Variants in TTC39C observed in about 807,000 individuals in gnomAD.
TTC39C encodes the protein tetratricopeptide repeat domain 39C, also known as tetratricopeptide repeat protein 39C.
Under a neutral mutation model 76.3 loss-of-function variants are expected in TTC39C, and 33 were observed. That is an observed-to-expected ratio of 0.43 (90% confidence interval 0.33 to 0.58). TTC39C has a LOEUF of 0.58. Among genes scored for constraint, TTC39C ranks in the 20% least tolerant of loss-of-function variants. TTC39C has a pLI of 0.04. For synonymous variants in TTC39C, 254 were observed against 260.6 expected (o/e 0.97, Z 0.24); for missense variants, 595 against 701.4 (o/e 0.85, Z 1.71).
intron 6 of TTC39C, among the ~76,000 whole-genome samples, chr18:24,089,400 C>T (rs1003256872): frequency 1.3e-5 from 2 of 152,192 alleles, no homozygotes; most frequent in Admixed American, 6.5e-5. Flanking sequence ...TCTCTTCCTG[C>T]ATCCTACGTG....
chr18:24,105,536 A>G (rs768552626), intron 6 of TTC39C, among the ~76,000 whole-genome samples: 1 of 152,216 alleles, frequency 6.6e-6, no homozygotes, highest in Non-Finnish European at 1.5e-5. Flanking sequence ...GCACACACAC[A>G]CTTGCAGGCA....
chr18:24,121,753 C>G (rs567499597), intron 8 of TTC39C, among the ~76,000 whole-genome samples: 1 of 152,278 alleles, frequency 6.6e-6, no homozygotes, highest in African/African-American at 2.4e-5. Context: ...AGGAAGACCT[C>G]AAGCTAGGGA....
At chr18:24,006,196 A>G (rs2083350903) in intron 1 of TTC39C, among the ~76,000 whole-genome samples, 2 of 151,966 alleles carry the variant, frequency 1.3e-5, no homozygotes. Context: ...TATTTTTTAT[A>G]GAGTTGGGGT....
chr18:24,103,875 A>ATAC (rs2084710187), intron 6 of TTC39C, among the ~76,000 whole-genome samples: 1 of 152,052 alleles, frequency 6.6e-6, no homozygotes, highest in Non-Finnish European at 1.5e-5. Context: ...GTCTCTGTAC[A>ATAC]AAACCCATAA....
At chr18:24,020,328 A>C in intron 1 of TTC39C, 1 of 989,420 alleles carries the variant, frequency 1.0e-6, no homozygotes, top group Non-Finnish European at 1.2e-6. Flanking sequence ...CTGCCTGTAG[A>C]ATAATAGGAG....
chr18:24,064,213 T>G (rs1015285517), intron 2 of TTC39C, 25 bp downstream of exon 2: 2 of 1,612,522 alleles, frequency 1.2e-6, no homozygotes, highest in Non-Finnish European at 1.7e-6. Context: ...TAAGACCTAT[T>G]GGCATGAAGG....
At chr18:24,016,213 C>G (rs989484130) in intron 1 of TTC39C, among the ~76,000 whole-genome samples, 1 of 152,146 alleles carries the variant, frequency 6.6e-6, no homozygotes, top group African/African-American at 2.4e-5. Context: ...ATTTTTTCCC[C>G]CCTTTGGTCT....
intron 8 of TTC39C, among the ~76,000 whole-genome samples, chr18:24,123,036 T>C (rs532417556): frequency 2.6e-4 from 39 of 152,342 alleles, no homozygotes; most frequent in Non-Finnish European, 5.1e-4. Context: ...TTCTTCACAT[T>C]GTTGCTGGTG....
At chr18:24,082,827 T>C (rs2084393239) in intron 5 of TTC39C, 86 bp from the exon 6 acceptor site, 1 of 1,373,364 alleles carries the variant, frequency 7.3e-7, no homozygotes, top group African/African-American at 1.4e-5. Context: ...AGAGTAGTAT[T>C]GGAAGAACAC....
At chr18:24,090,221 G>A (rs2084499774) in intron 6 of TTC39C, among the ~76,000 whole-genome samples, 1 of 152,094 alleles carries the variant, frequency 6.6e-6, no homozygotes, top group Admixed American at 6.5e-5. Context: ...AAATATTTCA[G>A]TATATATATT....
At chr18:24,118,095 G>A (rs1343367617) in intron 7 of TTC39C, 30 bp from the exon 8 acceptor site, 2 of 1,580,786 alleles carry the variant, frequency 1.3e-6, no homozygotes, top group Non-Finnish European at 1.7e-6. Context: ...AGTACTTTAG[G>A]GTCATGTGCT....
At chr18:24,115,095 C>T (rs914319119) in intron 7 of TTC39C, 4 of 158,714 alleles carry the variant, frequency 2.5e-5, no homozygotes, top group African/African-American at 9.6e-5. Flanking sequence ...GTTAAGGTGC[C>T]TCCCCTTGTA....
chr18:24,103,160 A>G (rs998789573), intron 6 of TTC39C, among the ~76,000 whole-genome samples: 6 of 152,212 alleles, frequency 3.9e-5, no homozygotes, highest in East Asian at 1.9e-4. Flanking sequence ...TCAGAATGTT[A>G]ATTTCCAACT....
At position 24,117,607 on chromosome 18, in the gene TTC39C, C is replaced by T. The variant is rs187441349; in HGVS notation, c.1079-518C>T. 8.4e-4 allele frequency among the ~76,000 whole-genome samples: 127 copies of T among 151,100 alleles called. 1 individual carries two copies. Among genetic ancestry groups the T allele is most frequent in the African/African-American group, 2.7e-3 (111 of 41,108 alleles). Reference sequence around the variant, plus strand: ...ATCCCAGCTACTTGGGAGGCTGAGGCGGGAGAATTGCTTGAACCCAGGGAG... The same window carrying T: ...ATCCCAGCTACTTGGGAGGCTGAGGTGGGAGAATTGCTTGAACCCAGGGAG... On this transcript the variant is annotated intron_variant, in intron 7 of 13. Transcript: ENST00000317571.
intron 1 of TTC39C, among the ~76,000 whole-genome samples, chr18:24,043,514 G>A (rs1262535304): frequency 6.6e-6 from 1 of 152,136 alleles, no homozygotes; most frequent in African/African-American, 2.4e-5. Context: ...GGGTTTTCTG[G>A]TCATGAACCA....
chr18:24,100,231 T>C (rs1320433241), intron 6 of TTC39C, among the ~76,000 whole-genome samples: 1 of 152,224 alleles, frequency 6.6e-6, no homozygotes, highest in Non-Finnish European at 1.5e-5. Flanking sequence ...AATTATCTGA[T>C]TATGATTATG....
chr18:24,085,779 C>T (rs749758629), intron 6 of TTC39C, among the ~76,000 whole-genome samples: 4 of 152,172 alleles, frequency 2.6e-5, no homozygotes, highest in African/African-American at 7.2e-5. Context: ...TCTGTGACTA[C>T]GGTTATTTAG....
rs2083525923 is a variant in TTC39C, at chr18:24,022,256, G to C, written c.167+7218G>C. On this transcript the variant is annotated intron_variant, in intron 1 of 13. Transcript: ENST00000317571. The stretch of plus-strand genomic sequence containing the variant: ...GAGGGATGACTACATATGTGACTTA[G>C]AGAACACATTCTTTTAAAGGCTCAC... Among the ~76,000 whole-genome samples the C allele has an allele frequency of 2.0e-5, 3 of 151,318 alleles. No homozygotes were observed. The South Asian group carries it at 6.5e-4, about 33-fold the overall frequency.
chr18:24,052,138 A>C (rs1407443150), intron 1 of TTC39C, among the ~76,000 whole-genome samples: 1 of 152,186 alleles, frequency 6.6e-6, no homozygotes, highest in African/African-American at 2.4e-5. Context: ...CCTTTTTCAG[A>C]TTTCATCAAA....
Sources: allele counts gnomAD v4.1 joint callset (sites outside exome capture counted in the v4.1 genomes callset), GRCh38; gene constraint gnomAD v4.1.1; transcripts MANE v1.5; gene names NCBI Gene and HGNC (gene_info 2026-07-23, HGNC 2026-07-21).